MEGF10: variants seen among roughly 807,000 people sequenced by gnomAD.
MEGF10 encodes the protein multiple epidermal growth factor-like domains protein 10.
Under a neutral mutation model 147.5 loss-of-function variants are expected in MEGF10, and 86 were observed. The ratio of observed to expected loss-of-function variants is 0.58; its 90% CI spans 0.49 to 0.70. The LOEUF (loss-of-function observed/expected upper bound fraction) is 0.70. MEGF10 is among the 30% of genes least tolerant of loss of function. MEGF10 has a pLI of 0.00. For synonymous variants in MEGF10, 478 were observed against 525.5 expected (o/e 0.91, Z 1.24); for missense variants, 1,329 against 1,487.3 (o/e 0.89, Z 1.75).
At position 127,417,869 on chromosome 5, in the gene MEGF10, A is replaced by G. The variant is rs1580844525; in HGVS notation, c.1305+57A>G. On this transcript the variant is annotated intron_variant, in intron 10 of 24. Transcript: ENST00000503335. ...GAGGGGTGCAGTGTGAAGCATCTCA[A>G]TACCATGATTTATATGACCTCCAGT... 36 of 1,545,074 alleles carry G rather than the reference A, an allele frequency of 2.3e-5. No individual in the cohort carries two copies. The East Asian group carries it at 8.1e-4, about 35-fold the overall frequency.
At chr5:127,241,842 C>A in the MEGF10 span, among the ~76,000 whole-genome samples, 2 of 152,058 alleles carry the variant, frequency 1.3e-5, no homozygotes, top group South Asian at 4.2e-4. Flanking sequence ...CAAGACAGCA[C>A]AGCATCTCAC....
At chr5:127,367,103 A>T (rs1457328196) in intron 4 of MEGF10, among the ~76,000 whole-genome samples, 1 of 152,204 alleles carries the variant, frequency 6.6e-6, no homozygotes, top group Admixed American at 6.5e-5. Flanking sequence ...TCCTGGAGTT[A>T]AGAGTCAACA....
chr5:127,425,786 C>T (rs980905892), intron 13 of MEGF10, among the ~76,000 whole-genome samples: 3 of 152,166 alleles, frequency 2.0e-5, no homozygotes, highest in African/African-American at 7.2e-5. Context: ...CCATTTAAGA[C>T]ACCAGGTTTG....
At chr5:127,240,191 C>T in the MEGF10 span, among the ~76,000 whole-genome samples, 1 of 152,194 alleles carries the variant, frequency 6.6e-6, no homozygotes, top group African/African-American at 2.4e-5. Context: ...TGCTGTTTTC[C>T]CTCTTTATCA....
At chr5:127,379,064 C>CTTTTTTTTTTTT (rs35798578) in intron 5 of MEGF10, among the ~76,000 whole-genome samples, 2 of 121,472 alleles carry the variant, frequency 1.6e-5, no homozygotes, top group African/African-American at 6.1e-5. Flanking sequence ...ATTGATTTTT[C>CTTTTTTTTTTTT]TTTTTTTTTT....
intron 10 of MEGF10, 117 bp from the exon 11 acceptor site, chr5:127,419,003 G>A: frequency 8.0e-7 from 1 of 1,252,480 alleles, no homozygotes; most frequent in Non-Finnish European, 1.1e-6. Context: ...AAAATACAGT[G>A]TGTTAAAATT....
At chr5:127,422,819 A>C (rs751321615) in intron 13 of MEGF10, 47 bp downstream of exon 13, 1 of 1,365,718 alleles carries the variant, frequency 7.3e-7, no homozygotes. Context: ...CGCCAATTTA[A>C]CACCTAGTGC....
the MEGF10 span, among the ~76,000 whole-genome samples, chr5:127,239,127 A>G: frequency 7.2e-5 from 11 of 152,136 alleles, no homozygotes; most frequent in Admixed American, 5.9e-4. Flanking sequence ...CATCAATGTC[A>G]TGAAAGACAC....
chr5:127,354,578 C>A (rs1203623052), intron 4 of MEGF10, among the ~76,000 whole-genome samples: 1 of 152,092 alleles, frequency 6.6e-6, no homozygotes, highest in Non-Finnish European at 1.5e-5. Flanking sequence ...CAGTGGGTGG[C>A]CCGAGTGCGC....
At chr5:127,343,455 T>C (rs1761760123) in intron 4 of MEGF10, among the ~76,000 whole-genome samples, 2 of 152,038 alleles carry the variant, frequency 1.3e-5, no homozygotes, top group African/African-American at 2.4e-5. Context: ...AACTGCCAGC[T>C]GCCTCACCCT....
At chr5:127,288,575 T>G (rs901373319), upstream of MEGF10, among the ~76,000 whole-genome samples, 15 of 152,100 alleles carry the variant, frequency 9.9e-5, no homozygotes, top group African/African-American at 3.4e-4. Context: ...ATGGCAAAAA[T>G]AAGAAGACAG....
Position 127,458,486 on chromosome 5 carries a change from T to C in MEGF10, c.*1168T>C, listed in dbSNP as rs1395955510. 1.3e-5 allele frequency: 2 copies of C among 152,206 alleles called. No homozygotes were observed. The highest frequency in any genetic ancestry group is 3.8e-4 in the East Asian group (2 of 5,196). 9.4% of individuals were successfully genotyped at this position (152,206 alleles called of 1,614,324 possible). A position where few individuals can be genotyped will look rare whatever the true frequency, so the allele number is the denominator to read the frequency against. On this transcript the variant is annotated 3_prime_UTR_variant, in exon 25 of 25. Coordinates refer to ENST00000503335, the MANE Select transcript of MEGF10 (RefSeq NM_001256545.2). ...TTGCATATTCTATGTTTTGTAGTGT[T>C]TGGATTGTTAATGAAAAAATATTAT... is the stretch of plus-strand genomic sequence containing the variant.
At chr5:127,413,619 A>G (rs897501876) in intron 9 of MEGF10, among the ~76,000 whole-genome samples, 2 of 152,230 alleles carry the variant, frequency 1.3e-5, no homozygotes, top group Admixed American at 1.3e-4. Context: ...ATTTTCATAT[A>G]CACAAAGCAA....
chr5:127,303,790 C>G (rs1276505329), intron 1 of MEGF10, among the ~76,000 whole-genome samples: 1 of 152,160 alleles, frequency 6.6e-6, no homozygotes, highest in Non-Finnish European at 1.5e-5. Flanking sequence ...GCTTTGAATC[C>G]TGGCTTGCCC....
the MEGF10 span, among the ~76,000 whole-genome samples, chr5:127,278,328 A>G: frequency 1.3e-5 from 2 of 149,306 alleles, no homozygotes; most frequent in Admixed American, 6.7e-5. Flanking sequence ...GATTACCTTG[A>G]AAAAAAAAAG....
chr5:127,236,457 T>A, the MEGF10 span, among the ~76,000 whole-genome samples: 1 of 152,216 alleles, frequency 6.6e-6, no homozygotes, highest in East Asian at 1.9e-4. Context: ...TTGGACTCCA[T>A]GTACAGTTTG....
At chr5:127,354,263 G>A (rs1388023663) in intron 4 of MEGF10, among the ~76,000 whole-genome samples, 2 of 152,178 alleles carry the variant, frequency 1.3e-5, no homozygotes, top group Non-Finnish European at 2.9e-5. Flanking sequence ...AAAAACACCT[G>A]CAGTTCACTA....
chr5:127,309,994 T>TTTCCTTCCTTCCTTCCTTCC (rs1554089026), intron 1 of MEGF10, among the ~76,000 whole-genome samples: 1 of 56,814 alleles, frequency 1.8e-5, no homozygotes, highest in African/African-American at 6.9e-5. Flanking sequence ...TCTTTCTTTC[T>TTTCCTTCCTTCCTTCCTTCC]TTCCTTCCTT....
intron 5 of MEGF10, among the ~76,000 whole-genome samples, chr5:127,376,114 G>A (rs1314181586): frequency 1.3e-5 from 2 of 152,188 alleles, no homozygotes; most frequent in African/African-American, 2.4e-5. Context: ...GGCTAAGAGT[G>A]TACAGCCCTT....
Sources: gnomAD v4.1 joint callset for allele counts (sites outside exome capture counted in the v4.1 genomes callset) on GRCh38, gnomAD v4.1.1 for gene constraint, MANE v1.5 for transcripts, NCBI Gene and HGNC (gene_info 2026-07-23, HGNC 2026-07-21) for gene names.